Variants in DDX31 observed in about 807,000 individuals in gnomAD.
The protein encoded by DDX31 is DEAD-box helicase 31.
In DDX31, 70 loss-of-function variants were observed where a neutral mutation model predicts 91.3. The ratio of observed to expected loss-of-function variants is 0.77; its 90% CI spans 0.63 to 0.94. The LOEUF (loss-of-function observed/expected upper bound fraction) is 0.94, where lower values mean the gene tolerates loss of function less well. Ranked by LOEUF, DDX31 falls within the 40% of genes least tolerant of loss-of-function variation. DDX31 has a pLI of 0.00. For missense variants in DDX31, 902 were observed against 925.0 expected, an observed-to-expected ratio of 0.98 and a Z score of 0.32; for synonymous variants, 362 against 350.6, an observed-to-expected ratio of 1.03 and a Z score of -0.36.
intron 17 of DDX31, among the ~76,000 whole-genome samples, chr9:132,622,539 A>G (rs1341667626): frequency 1.3e-5 from 2 of 152,264 alleles, no homozygotes; most frequent in Non-Finnish European, 2.9e-5. Flanking sequence ...CGTTGCGCAG[A>G]CACACAGTGA....
At chr9:132,636,634 T>C (rs570435896) in intron 14 of DDX31, among the ~76,000 whole-genome samples, 12 of 152,324 alleles carry the variant, frequency 7.9e-5, no homozygotes, top group African/African-American at 2.9e-4. Flanking sequence ...ATTTCCTACC[T>C]GGGTGACCTA....
At chr9:132,596,240 A>G (rs1228001882) in intron 19 of DDX31, among the ~76,000 whole-genome samples, 1 of 152,252 alleles carries the variant, frequency 6.6e-6, no homozygotes, top group Non-Finnish European at 1.5e-5. Context: ...ATTAGAAATA[A>G]GACTAATAGT....
intron 14 of DDX31, chr9:132,638,018 G>GA (rs1564312368): frequency 2.6e-6 from 3 of 1,141,910 alleles, no homozygotes; most frequent in Non-Finnish European, 3.2e-6. Context: ...GCTTCAAGCG[G>GA]AAAAAAATAC....
chr9:132,652,866 C>G (rs907326418), intron 6 of DDX31, among the ~76,000 whole-genome samples: 15 of 152,184 alleles, frequency 9.9e-5, no homozygotes, highest in Admixed American at 3.9e-4. Flanking sequence ...AAATGTCTTT[C>G]GTCCTCTGCC....
At chr9:132,632,579 G>A (rs921434168) in intron 14 of DDX31, among the ~76,000 whole-genome samples, 5 of 152,090 alleles carry the variant, frequency 3.3e-5, no homozygotes, top group African/African-American at 1.2e-4. Flanking sequence ...CCACAACCAT[G>A]AGCAACGCCT....
chr9:132,596,714 T>C (rs528734015), intron 19 of DDX31, among the ~76,000 whole-genome samples: 1 of 152,252 alleles, frequency 6.6e-6, no homozygotes, highest in African/African-American at 2.4e-5. Flanking sequence ...CAGAGAACGA[T>C]TTGCCGGGTC....
At position 132,605,870 on chromosome 9, in the gene DDX31, G is replaced by A. The variant is rs576616022; in HGVS notation, c.1994+6217C>T. On this transcript the variant is annotated intron_variant, in intron 19 of 19. Transcript: ENST00000372159. ...GCCTAACGGGATGCCACTGAAAGGC[G>A]CTAAGCCAGGGCAAGATGCGGTGAG... is the stretch of plus-strand genomic sequence containing the variant. Among the ~76,000 whole-genome samples, 5 of 152,296 alleles carry A rather than the reference G, an allele frequency of 3.3e-5. No individual in the cohort carries two copies. In the South Asian group the frequency reaches 6.2e-4, roughly 19 times the overall value.
chr9:132,661,292 A>AT, intron 3 of DDX31, 41 bp from the exon 4 acceptor site: 4 of 1,444,276 alleles, frequency 2.8e-6, no homozygotes, highest in Non-Finnish European at 3.9e-6. Flanking sequence ...ATATTTTGAT[A>AT]CAAAATATTT....
At chr9:132,651,829 C>T (rs1180274074) in intron 7 of DDX31, among the ~76,000 whole-genome samples, 1 of 152,188 alleles carries the variant, frequency 6.6e-6, no homozygotes, top group East Asian at 1.9e-4. Context: ...TTAATAGCTT[C>T]TGTGCCTGCT....
chr9:132,652,454 C>G lies in DDX31; in HGVS notation c.627G>C (p.Thr209=). ...DGPYALVLVP[T]RELALQSFDT... is the part of the protein sequence containing the mutation. ...CAAAAGGGAGCCTGCTTACCTCTCT[C>G]GTTGGCACGAGCACCAGGGCATAGG... Residue 209 remains threonine (T), a synonymous_variant, in exon 7 of 20, where the codon ACG becomes ACC. Coordinates refer to ENST00000372159, the MANE Select transcript of DDX31 (RefSeq NM_022779.9). 1 of 1,614,132 alleles carries G rather than the reference C, an allele frequency of 6.2e-7. No individual in the cohort carries two copies.
chr9:132,656,067 G>A (rs949397013), intron 6 of DDX31, among the ~76,000 whole-genome samples: 9 of 152,082 alleles, frequency 5.9e-5, no homozygotes, highest in African/African-American at 2.2e-4. Flanking sequence ...TCCTCACAGG[G>A]CACAAGTAAG....
At chr9:132,652,185 T>G (rs1834234808) in intron 7 of DDX31, among the ~76,000 whole-genome samples, 1 of 152,220 alleles carries the variant, frequency 6.6e-6, no homozygotes, top group South Asian at 2.1e-4. Flanking sequence ...TTTAGCAACT[T>G]AATTCAAAAC....
intron 4 of DDX31, among the ~76,000 whole-genome samples, chr9:132,659,996 G>A (rs1176419644): frequency 6.6e-6 from 1 of 152,178 alleles, no homozygotes; most frequent in African/African-American, 2.4e-5. Flanking sequence ...TGAAAATGGT[G>A]AGGCAAACCA....
In DDX31 at chr9:132,618,390, G is replaced by C. The variant is rs568000912; in HGVS notation, c.1765C>G (p.Gln589Glu). ...QEIRERATVL[Q>E]TVFEDYVHSS... ...TGCACGTAATCTTCAAATACCGTCT[G>C]CAAGACTGTGGCTCGCTCTCGGATT... The change falls in exon 18 of 20, where the codon CAG becomes GAG. Residue 589 changes from glutamine to glutamate, a missense_variant. By Grantham distance (29) the Gln-to-Glu change is conservative. Coordinates refer to ENST00000372159, the MANE Select transcript of DDX31 (RefSeq NM_022779.9). The C allele has an allele frequency of 3.1e-6, 5 of 1,612,226 alleles. No individual in the cohort carries two copies. In the African/African-American group the frequency reaches 6.7e-5, roughly 21 times the overall value.
intron 14 of DDX31, among the ~76,000 whole-genome samples, chr9:132,635,583 G>T (rs1394120832): frequency 6.6e-6 from 1 of 150,382 alleles, no homozygotes; most frequent in Non-Finnish European, 1.5e-5. Flanking sequence ...GATTACAGGT[G>T]TGAGCCACCG....
chr9:132,652,859 T>C (rs1282083774), intron 6 of DDX31, among the ~76,000 whole-genome samples: 2 of 152,176 alleles, frequency 1.3e-5, no homozygotes, highest in Non-Finnish European at 2.9e-5. Flanking sequence ...ATGTAAGAAA[T>C]GTCTTTCGTC....
At chr9:132,624,204 A>C (rs1423350116) in intron 17 of DDX31, among the ~76,000 whole-genome samples, 1 of 150,964 alleles carries the variant, frequency 6.6e-6, no homozygotes, top group Non-Finnish European at 1.5e-5. Context: ...GAAGAAACCA[A>C]AAAAGCCCCT....
At chr9:132,652,357 A>C (rs1224639670) in intron 7 of DDX31, 91 bp downstream of exon 7, 1 of 1,463,388 alleles carries the variant, frequency 6.8e-7, no homozygotes, top group African/African-American at 1.4e-5. Context: ...CTTGTGCAGT[A>C]GGGAGAAACA....
chr9:132,640,492 C>G (rs1294987685), intron 14 of DDX31, among the ~76,000 whole-genome samples: 2 of 152,138 alleles, frequency 1.3e-5, no homozygotes, highest in African/African-American at 4.8e-5. Flanking sequence ...TGACAAATTT[C>G]TTTCCCCCGC....
Sources: gnomAD v4.1 joint callset for allele counts (sites outside exome capture counted in the v4.1 genomes callset) on GRCh38, gnomAD v4.1.1 for gene constraint, MANE v1.5 for transcripts, NCBI Gene and HGNC (gene_info 2026-07-23, HGNC 2026-07-21) for gene names.